The following CPNE4 variants were observed in gnomAD, a reference collection of about 807,000 sequenced individuals.
The protein encoded by CPNE4 is copine 4, also known as copine-4.
A neutral mutation model predicts 67.9 loss-of-function variants in CPNE4; 25 were observed. The observed-to-expected ratio is 0.37, with a 90% CI of 0.27 to 0.51. CPNE4 has a LOEUF of 0.51. CPNE4 is among the 20% of genes least tolerant of loss of function. The probability of loss-of-function intolerance (pLI) is 0.93; values close to 1 mark genes in which losing one functional copy is unlikely to be tolerated. For synonymous variants in CPNE4, 242 were observed against 244.9 expected (o/e 0.99, Z 0.11); for missense variants, 464 against 690.8 (o/e 0.67, Z 3.68).
chr3:131,801,415 CGTGTGTGTGTGTGTGT>C (rs796117335), intron 2 of CPNE4, among the ~76,000 whole-genome samples: 14 of 66,078 alleles, frequency 2.1e-4, no homozygotes, highest in African/African-American at 8.3e-4. Flanking sequence ...TACATATATA[CGTGTGTGTGTGTGTGT>C]GTGTGTGTGT....
intron 1 of CPNE4, among the ~76,000 whole-genome samples, chr3:132,020,140 A>G (rs2073963283): frequency 6.6e-6 from 1 of 152,210 alleles, no homozygotes; most frequent in East Asian, 1.9e-4. Context: ...CATGGGAGAC[A>G]AGAGCTTGTG....
intron 1 of CPNE4, among the ~76,000 whole-genome samples, chr3:131,948,281 G>A (rs548366335): frequency 6.9e-4 from 105 of 152,294 alleles, no homozygotes; most frequent in African/African-American, 2.4e-3. Flanking sequence ...TCTTGTGATA[G>A]TGAGTTCTCA....
chr3:131,988,878 T>C (rs1449418014), intron 1 of CPNE4, among the ~76,000 whole-genome samples: 3 of 152,222 alleles, frequency 2.0e-5, no homozygotes, highest in Non-Finnish European at 4.4e-5. Flanking sequence ...ATCACTGTAA[T>C]GCCAGGCCCA....
chr3:131,944,522 G>A (rs940770910), intron 1 of CPNE4, among the ~76,000 whole-genome samples: 18 of 151,948 alleles, frequency 1.2e-4, no homozygotes, highest in African/African-American at 4.4e-4. Context: ...ATGTAATGGT[G>A]AGGGCTCTTC....
At chr3:131,770,849 C>A (rs542506613) in intron 2 of CPNE4, among the ~76,000 whole-genome samples, 1 of 152,200 alleles carries the variant, frequency 6.6e-6, no homozygotes, top group African/African-American at 2.4e-5. Context: ...TGAATCTAAA[C>A]TTCTAAAGAC....
At chr3:131,761,826 T>C (rs1045516951) in intron 2 of CPNE4, among the ~76,000 whole-genome samples, 1 of 152,152 alleles carries the variant, frequency 6.6e-6, no homozygotes, top group Non-Finnish European at 1.5e-5. Flanking sequence ...GCAGGTAGGA[T>C]ATCAGGGCAT....
chr3:131,975,949 CG>C (rs935671578), intron 1 of CPNE4, among the ~76,000 whole-genome samples: 19 of 151,802 alleles, frequency 1.3e-4, no homozygotes, highest in African/African-American at 4.6e-4. Flanking sequence ...TCCTCTGATA[CG>C]GTGCGGTAAA....
rs149025902 is a variant in CPNE4 at position 131,550,578 on chromosome 3, C to T, written c.1169-498G>A. Among the ~76,000 whole-genome samples, 1,016 of 152,184 alleles carry T rather than the reference C, an allele frequency of 6.7e-3. 6 individuals carry two copies. Among genetic ancestry groups the T allele is most frequent in the Non-Finnish European group, 0.011 (735 of 67,980 alleles). On this transcript the variant is annotated intron_variant, in intron 13 of 15. Coordinates refer to ENST00000429747, the MANE Select transcript of CPNE4 (RefSeq NM_130808.3). ...CTTGTTGACTCTAGTAGATACTACCCGTGCCCTCTATAAGAGTCAGGAGTT... is the reference window on the plus strand; with the variant it reads ...CTTGTTGACTCTAGTAGATACTACCTGTGCCCTCTATAAGAGTCAGGAGTT...
At chr3:131,954,031 T>C (rs1401317910) in intron 1 of CPNE4, among the ~76,000 whole-genome samples, 1 of 152,090 alleles carries the variant, frequency 6.6e-6, no homozygotes, top group Non-Finnish European at 1.5e-5. Flanking sequence ...TTATTATGTA[T>C]AAATAAGAAA....
At chr3:131,612,237 G>A (rs1032245348) in intron 7 of CPNE4, among the ~76,000 whole-genome samples, 1 of 152,110 alleles carries the variant, frequency 6.6e-6, no homozygotes, top group Non-Finnish European at 1.5e-5. Context: ...AGCCAGGCGT[G>A]GTGGCGGGCA....
At chr3:132,037,760 T>C (rs2074363975), upstream of CPNE4, 2 of 612,364 alleles carry the variant, frequency 3.3e-6, no homozygotes, top group Non-Finnish European at 5.8e-6. Context: ...TATGCCAATA[T>C]GAAAGGCATC....
chr3:131,915,313 T>C (rs181023297), intron 1 of CPNE4, among the ~76,000 whole-genome samples: 258 of 152,338 alleles, frequency 1.7e-3, no homozygotes, highest in Non-Finnish European at 3.0e-3. Flanking sequence ...AGGTGTAGTG[T>C]ATGTATTGAG....
intron 7 of CPNE4, among the ~76,000 whole-genome samples, chr3:131,654,408 C>A (rs986505458): frequency 1.3e-5 from 2 of 151,992 alleles, no homozygotes; most frequent in African/African-American, 4.8e-5. Flanking sequence ...TACCCTCTAC[C>A]CTCAGGTAGG....
intron 2 of CPNE4, among the ~76,000 whole-genome samples, chr3:131,814,210 A>G (rs922394742): frequency 6.6e-6 from 1 of 152,190 alleles, no homozygotes; most frequent in African/African-American, 2.4e-5. Flanking sequence ...GCTTAAAATG[A>G]CAAGAGTATA....
intron 10 of CPNE4, among the ~76,000 whole-genome samples, chr3:131,567,592 A>G (rs1210219855): frequency 1.3e-5 from 2 of 151,874 alleles, no homozygotes; most frequent in Non-Finnish European, 2.9e-5. Context: ...TGACCCTACT[A>G]TGTCATTTTC....
intron 2 of CPNE4, among the ~76,000 whole-genome samples, chr3:131,874,383 T>A (rs532470609): frequency 1.3e-5 from 2 of 152,276 alleles, no homozygotes; most frequent in Non-Finnish European, 2.9e-5. Flanking sequence ...CCACCGCGCC[T>A]GGCCTCAGTT....
At chr3:131,962,085 A>C (rs2107923177) in intron 1 of CPNE4, among the ~76,000 whole-genome samples, 1 of 152,302 alleles carries the variant, frequency 6.6e-6, no homozygotes. Flanking sequence ...TGCATATTCA[A>C]TTGCCCAGAC....
chr3:131,784,427 C>A (rs1193946365), intron 2 of CPNE4, among the ~76,000 whole-genome samples: 1 of 152,112 alleles, frequency 6.6e-6, no homozygotes, highest in South Asian at 2.1e-4. Context: ...GGCAGACAGC[C>A]ATAAGCCTTT....
intron 7 of CPNE4, among the ~76,000 whole-genome samples, chr3:131,621,201 G>C (rs563378966): frequency 6.6e-6 from 1 of 152,170 alleles, no homozygotes; most frequent in South Asian, 2.1e-4. Flanking sequence ...ATAACTGCCA[G>C]TGACAATGTT....
Sources: allele counts gnomAD v4.1 joint callset (sites outside exome capture counted in the v4.1 genomes callset), GRCh38; gene constraint gnomAD v4.1.1; transcripts MANE v1.5; gene names NCBI Gene and HGNC (gene_info 2026-07-23, HGNC 2026-07-21).